Variants in HIPK1 observed in about 807,000 individuals in gnomAD.
HIPK1 encodes the protein homeodomain interacting protein kinase 1.
Under a neutral mutation model 117.1 loss-of-function variants are expected in HIPK1, and 28 were observed. The observed-to-expected ratio is 0.24, with a 90% CI of 0.18 to 0.33. HIPK1 has a LOEUF of 0.33. HIPK1 is among the 10% of genes least tolerant of loss of function. The pLI is 1.00. For synonymous variants in HIPK1, 605 were observed against 562.5 expected (o/e 1.08, Z -1.07); for missense variants, 1,122 against 1,475.1 (o/e 0.76, Z 3.92).
intron 10 of HIPK1, 79 bp downstream of exon 10, chr1:113,963,600 G>T (rs1558144912): frequency 1.3e-6 from 2 of 1,520,272 alleles, no homozygotes; most frequent in African/African-American, 1.4e-5. Flanking sequence ...GTTTGTTTTT[G>T]TTCTGTTTTT....
At chr1:113,966,094 C>A in intron 10 of HIPK1, 36 bp from the exon 11 acceptor site, 1 of 1,580,842 alleles carries the variant, frequency 6.3e-7, no homozygotes, top group South Asian at 1.2e-5. Context: ...AAGAATGAAT[C>A]AAGTCTGGAT....
chr1:113,973,612 T>C lies in HIPK1; in HGVS notation c.*100T>C. On this transcript the variant is annotated 3_prime_UTR_variant, in exon 16 of 16. Transcript: ENST00000426820. ...GATCCTCCTTTACCCTCTTGAAATT[T>C]CTTAGCCAGCAACTTGTTCTGCAGG... 1 of 1,397,838 alleles carries C rather than the reference T, an allele frequency of 7.2e-7. No individual in the cohort carries two copies. Among genetic ancestry groups the C allele is most frequent in the Non-Finnish European group, 9.5e-7 (1 of 1,049,882 alleles). The allele number at this position is 1,397,838 out of a possible 1,614,324, so 86.6% of individuals were successfully genotyped here. A position where few individuals can be genotyped will look rare whatever the true frequency, so the allele number is the denominator to read the frequency against.
chr1:113,935,231 C>T (rs928481971), intron 1 of HIPK1, among the ~76,000 whole-genome samples: 16 of 152,020 alleles, frequency 1.1e-4, no homozygotes, highest in African/African-American at 3.9e-4. Context: ...TCTTTGTGTC[C>T]ATGTGTTCTC....
intron 2 of HIPK1, chr1:113,951,286 T>A (rs1177064169): frequency 1.0e-6 from 1 of 983,102 alleles, no homozygotes; most frequent in East Asian, 1.1e-4. Context: ...TAAATTTACA[T>A]AGATGAGTAT....
intron 1 of HIPK1, among the ~76,000 whole-genome samples, chr1:113,932,032 C>G (rs1158495324): frequency 1.3e-5 from 2 of 152,180 alleles, no homozygotes; most frequent in African/African-American, 4.8e-5. Flanking sequence ...TCAACAATCA[C>G]TGGTTTGTCT....
intron 1 of HIPK1, among the ~76,000 whole-genome samples, chr1:113,934,026 A>G (rs1474373713): frequency 2.0e-5 from 3 of 152,180 alleles, no homozygotes; most frequent in Admixed American, 1.3e-4. Context: ...GTTTTTACAG[A>G]AGATGTACTC....
At chr1:113,945,323 A>G (rs951124999) in intron 2 of HIPK1, among the ~76,000 whole-genome samples, 1 of 152,194 alleles carries the variant, frequency 6.6e-6, no homozygotes, top group Non-Finnish European at 1.5e-5. Context: ...TTGACACAGA[A>G]AAGTTTTTAA....
In HIPK1 at chr1:113,973,414, T is replaced by G; in HGVS notation, c.3535T>G (p.Phe1179Val). The G allele has an allele frequency of 1.2e-6, 2 of 1,614,104 alleles. No individual in the cohort carries two copies. Among genetic ancestry groups the G allele is most frequent in the Non-Finnish European group, 1.7e-6 (2 of 1,179,992 alleles). ...SVAPAQYQHQ[F>V]ATQSYIGSSR... ...GGCCCCTGCTCAGTACCAACACCAG[T>G]TTGCCACCCAATCCTACATTGGGTC... The change falls in exon 16 of 16, where the codon TTT (phenylalanine) becomes GTT (valine). Residue 1179 changes from phenylalanine (F) to valine (V), a missense_variant. By Grantham distance (50) the Phe-to-Val change is conservative. Coordinates refer to ENST00000426820, the MANE Select transcript of HIPK1 (RefSeq NM_198268.3).
intron 2 of HIPK1, among the ~76,000 whole-genome samples, chr1:113,942,507 T>C (rs560676957): frequency 2.6e-5 from 4 of 152,236 alleles, no homozygotes; most frequent in South Asian, 2.1e-4. Context: ...AACATTTTAT[T>C]CTTTTACATT....
chr1:113,944,159 GTTTTTTTTTTTTT>G (rs140161727), intron 2 of HIPK1, among the ~76,000 whole-genome samples: 13 of 55,234 alleles, frequency 2.4e-4, no homozygotes, highest in Non-Finnish European at 3.1e-4. Context: ...ATAGCCATGG[GTTTTTTTTTTTTT>G]TTTTTTTTTT....
intron 8 of HIPK1, among the ~76,000 whole-genome samples, chr1:113,961,557 ATCTT>A (rs1339177581): frequency 6.6e-6 from 1 of 152,198 alleles, no homozygotes; most frequent in Non-Finnish European, 1.5e-5. Flanking sequence ...GCTTTTCGTA[ATCTT>A]TCTTATCTAA....
chr1:113,965,109 T>G (rs1672363422), intron 10 of HIPK1, among the ~76,000 whole-genome samples: 1 of 152,238 alleles, frequency 6.6e-6, no homozygotes, highest in African/African-American at 2.4e-5. Context: ...GAAGGCTTCT[T>G]GTTTGGAACC....
chr1:113,958,034 C>A, intron 7 of HIPK1, 32 bp from the exon 8 acceptor site: 2 of 1,429,272 alleles, frequency 1.4e-6, no homozygotes, highest in Non-Finnish European at 2.0e-6. Context: ...CTACTTAATA[C>A]AAGTGTACAA....
chr1:113,931,787 A>G (rs985382928), intron 1 of HIPK1, among the ~76,000 whole-genome samples: 1 of 152,198 alleles, frequency 6.6e-6, no homozygotes, highest in Non-Finnish European at 1.5e-5. Context: ...AAGTTCTTAC[A>G]CTTGGAACTT....
chr1:113,957,859 T>C (rs1277538825), intron 7 of HIPK1, among the ~76,000 whole-genome samples: 6 of 152,158 alleles, frequency 3.9e-5, no homozygotes. Flanking sequence ...CCATTCGTTT[T>C]TTTTTTTTTA....
Position 113,968,439 on chromosome 1 carries a change from C to T in HIPK1, c.2565-3C>T. ...CATCTTTCCATGTGAACTTTTCCTA[C>T]AGGTCCTCTCTAGATGTTCTGCCTT... On this transcript the variant is annotated splice_region_variant and splice_polypyrimidine_tract_variant and intron_variant, in intron 12 of 15. Coordinates refer to ENST00000426820, the MANE Select transcript of HIPK1 (RefSeq NM_198268.3). The T allele has an allele frequency of 6.2e-7, 1 of 1,609,054 alleles. No individual in the cohort carries two copies. Among genetic ancestry groups the T allele is most frequent in the Non-Finnish European group, 8.5e-7 (1 of 1,175,294 alleles).
At chr1:113,959,013 G>A (rs551395563) in intron 8 of HIPK1, among the ~76,000 whole-genome samples, 2 of 152,000 alleles carry the variant, frequency 1.3e-5, no homozygotes, top group Admixed American at 6.6e-5. Flanking sequence ...AGTCTGTCCA[G>A]TTTCTTTTTT....
chr1:113,961,569 T>C (rs1672105677), intron 8 of HIPK1, among the ~76,000 whole-genome samples: 1 of 152,238 alleles, frequency 6.6e-6, no homozygotes, highest in South Asian at 2.1e-4. Context: ...CTTTCTTATC[T>C]AATTCACTAA....
At chr1:113,935,642 G>A (rs1040437808) in intron 1 of HIPK1, among the ~76,000 whole-genome samples, 1 of 152,120 alleles carries the variant, frequency 6.6e-6, no homozygotes, top group Non-Finnish European at 1.5e-5. Context: ...ACTCCCATCA[G>A]CAGTATAAGT....
Sources: allele counts gnomAD v4.1 joint callset (sites outside exome capture counted in the v4.1 genomes callset), GRCh38; gene constraint gnomAD v4.1.1; transcripts MANE v1.5; gene names NCBI Gene and HGNC (gene_info 2026-07-23, HGNC 2026-07-21).